The following NUS1 variants were observed in gnomAD, a reference collection of about 807,000 sequenced individuals.
NUS1 encodes dehydrodolichyl diphosphate synthase complex subunit NUS1.
For missense variants in NUS1, 292 were observed against 382.9 expected (o/e 0.76, Z 1.98); for synonymous variants, 135 against 155.2 (o/e 0.87, Z 0.97).
At chr6:117,677,030 AAC>A (rs1184991512) in intron 1 of NUS1, among the ~76,000 whole-genome samples, 6 of 152,244 alleles carry the variant, frequency 3.9e-5, no homozygotes, top group Non-Finnish European at 7.3e-5. Context: ...ATCAGTGCCC[AAC>A]ACAGTACTTG....
chr6:117,700,811 A>T (rs1773395218), intron 3 of NUS1, among the ~76,000 whole-genome samples: 1 of 152,172 alleles, frequency 6.6e-6, no homozygotes, highest in South Asian at 2.1e-4. Flanking sequence ...AGCAACACGG[A>T]TGAAACTGGA....
intron 1 of NUS1, among the ~76,000 whole-genome samples, chr6:117,688,672 C>T (rs972634288): frequency 1.2e-4 from 18 of 152,162 alleles, no homozygotes; most frequent in Admixed American, 1.0e-3. Flanking sequence ...TTAGATAAGC[C>T]GCCAAGGTTT....
chr6:117,679,879 T>C (rs1773035312), intron 1 of NUS1, among the ~76,000 whole-genome samples: 1 of 152,196 alleles, frequency 6.6e-6, no homozygotes, highest in Admixed American at 6.5e-5. Context: ...ACTTCACCTC[T>C]CAATGAGAAA....
In NUS1 at chr6:117,710,599, CAA is replaced by C. The variant is rs1204318258; in HGVS notation, c.*3585_*3586del. ...TTTTAAAAAATGTATTCTACTGTAA[CAA>C]GTTAATAAAGAGATTTTTTAAAAAA... On this transcript the variant is annotated 3_prime_UTR_variant, in exon 5 of 5. Coordinates refer to ENST00000368494, the MANE Select transcript of NUS1 (RefSeq NM_138459.5). 2 of 151,754 alleles carry C rather than the reference CAA, an allele frequency of 1.3e-5. No individual in the cohort carries two copies. Among genetic ancestry groups the C allele is most frequent in the Non-Finnish European group, 2.9e-5 (2 of 67,904 alleles). The allele number at this position is 151,754 out of a possible 1,614,324, so 9.4% of individuals were successfully genotyped here. A position where few individuals can be genotyped will look rare whatever the true frequency, so the allele number is the denominator to read the frequency against.
chr6:117,691,778 G>T (rs905626475), intron 1 of NUS1, among the ~76,000 whole-genome samples: 1 of 151,160 alleles, frequency 6.6e-6, no homozygotes, highest in Non-Finnish European at 1.5e-5. Context: ...GATGATCAAG[G>T]TAAGCATGAG....
chr6:117,686,345 C>CT (rs1484779031), intron 1 of NUS1, among the ~76,000 whole-genome samples: 1 of 151,824 alleles, frequency 6.6e-6, no homozygotes, highest in Non-Finnish European at 1.5e-5. Flanking sequence ...TAAAATTCAA[C>CT]TTTTTTGGAG....
chr6:117,681,102 A>G (rs1309946098), intron 1 of NUS1, among the ~76,000 whole-genome samples: 5 of 152,092 alleles, frequency 3.3e-5, no homozygotes, highest in African/African-American at 1.2e-4. Flanking sequence ...CCAAGAGGCT[A>G]TTGTTCATCT....
chr6:117,688,663 T>C (rs1773174721), intron 1 of NUS1, among the ~76,000 whole-genome samples: 1 of 152,160 alleles, frequency 6.6e-6, no homozygotes, highest in Non-Finnish European at 1.5e-5. Flanking sequence ...CTAGCTTTAT[T>C]AGATAAGCCG....
In NUS1 at chr6:117,708,651, T is replaced by G. The variant is rs549689962; in HGVS notation, c.*1636T>G. 1.3e-5 allele frequency: 2 copies of G among 152,538 alleles called. No individual in the cohort carries two copies. The highest frequency in any genetic ancestry group is 1.3e-4 in the Admixed American group (2 of 15,266). The allele number at this position is 152,538 out of a possible 1,614,324, so 9.4% of individuals were successfully genotyped here. On this transcript the variant is annotated 3_prime_UTR_variant, in exon 5 of 5. Transcript: ENST00000368494. The stretch of plus-strand genomic sequence containing the variant: ...ATTATACGTTGTACGACTTTTTTTT[T>G]TTGTTTTAATTTATTACTGAGAGTT...
chr6:117,703,737 G>A (rs754038037), intron 4 of NUS1, 33 bp downstream of exon 4: 1 of 1,443,870 alleles, frequency 6.9e-7, no homozygotes, highest in Non-Finnish European at 9.8e-7. Flanking sequence ...ACTTTGTTTA[G>A]ATTCAGCAAG....
In NUS1 at chr6:117,703,694, A is replaced by T; in HGVS notation, c.781A>T (p.Thr261Ser). ...LGFLPWHIRL[T>S]EIVSLPSHLN... is the part of the protein sequence containing the mutation. ...CTTTCTTCCCTGGCACATCAGATTG[A>T]CTGAGATTGTGTAAGTAATTAAAAG... Residue 261 changes from threonine (T) to serine (S), a missense_variant, in exon 4 of 5, where the codon ACT becomes TCT. Physicochemically the swap from Thr to Ser is moderately conservative, Grantham distance 58 (BLOSUM62 1). Transcript: ENST00000368494. 6.2e-7 allele frequency: 1 copy of T among 1,610,650 alleles called. No individual in the cohort carries two copies. The highest frequency in any genetic ancestry group is 8.5e-7 in the Non-Finnish European group (1 of 1,176,862).
chr6:117,693,277 T>C, intron 2 of NUS1, 110 bp downstream of exon 2: 1 of 1,116,362 alleles, frequency 9.0e-7, no homozygotes, highest in South Asian at 1.4e-5. Flanking sequence ...TCTGTTACTC[T>C]TTATTGTCAA....
In NUS1 at chr6:117,675,538, T is replaced by A. The variant is rs1198713571; in HGVS notation, c.-133T>A. ...CGGGGGCGAGGTGAGGTGTTGGCAGTGGAAAGGGGTTCGGGCTCGGGGGGC... is the reference window on the plus strand; with the variant it reads ...CGGGGGCGAGGTGAGGTGTTGGCAGAGGAAAGGGGTTCGGGCTCGGGGGGC... On this transcript the variant is annotated 5_prime_UTR_variant, in exon 1 of 5. Coordinates refer to ENST00000368494, the MANE Select transcript of NUS1 (RefSeq NM_138459.5). 1.2e-6 allele frequency: 1 copy of A among 831,270 alleles called. No individual in the cohort carries two copies. The highest frequency in any genetic ancestry group is 1.8e-6 in the Non-Finnish European group (1 of 563,216). The allele number at this position is 831,270 out of a possible 1,614,324, so 51.5% of individuals were successfully genotyped here.
chr6:117,686,658 T>A (rs1773144009), intron 1 of NUS1, among the ~76,000 whole-genome samples: 1 of 152,234 alleles, frequency 6.6e-6, no homozygotes, highest in South Asian at 2.1e-4. Context: ...CTTAGCTTCC[T>A]TTTACATAAA....
Position 117,676,105 on chromosome 6 carries a change from T to TG in NUS1, c.415+26dup. On this transcript the variant is annotated intron_variant, in intron 1 of 4. Coordinates refer to ENST00000368494, the MANE Select transcript of NUS1 (RefSeq NM_138459.5). ...ACCAAGGTGAGGCCCGGTGCGGTGG[T>TG]GGGGGGTGGCCGAGGCGTCTTGGAC... 1 of 1,550,078 alleles carries TG rather than the reference T, an allele frequency of 6.5e-7. No homozygotes were observed. The highest frequency in any genetic ancestry group is 1.2e-5 in the South Asian group (1 of 83,972).
rs193072499 is a variant in NUS1, at chr6:117,683,651, T to C, written c.415+7566T>C. ...TGTTTCAATGCTTATCTCATTTTTT[T>C]CTCTTGTTTGTTCTTGTAAGTACTT... On this transcript the variant is annotated intron_variant, in intron 1 of 4. Coordinates refer to ENST00000368494, the MANE Select transcript of NUS1 (RefSeq NM_138459.5). Among the ~76,000 whole-genome samples, 569 of 151,122 alleles carry C rather than the reference T, an allele frequency of 3.8e-3. 4 individuals carry two copies. The highest frequency in any genetic ancestry group is 0.013 in the African/African-American group (549 of 41,004).
chr6:117,681,395 G>C (rs988966850), intron 1 of NUS1, among the ~76,000 whole-genome samples: 1 of 152,076 alleles, frequency 6.6e-6, no homozygotes, highest in African/African-American at 2.4e-5. Flanking sequence ...TGTGTTCCTT[G>C]AATTCAAAGA....
intron 1 of NUS1, among the ~76,000 whole-genome samples, chr6:117,677,530 C>T (rs1483176477): frequency 1.3e-5 from 2 of 152,182 alleles, no homozygotes; most frequent in South Asian, 4.1e-4. Flanking sequence ...CAATAAATTA[C>T]CTGTGTGCTC....
chr6:117,699,675 A>G (rs1409623920), intron 3 of NUS1, among the ~76,000 whole-genome samples: 2 of 152,194 alleles, frequency 1.3e-5, no homozygotes, highest in Non-Finnish European at 2.9e-5. Flanking sequence ...TGGAATCACA[A>G]AAAGACCCAG....
Sources: allele counts gnomAD v4.1 joint callset (sites outside exome capture counted in the v4.1 genomes callset), GRCh38; gene constraint gnomAD v4.1.1; transcripts MANE v1.5; gene names NCBI Gene and HGNC (gene_info 2026-07-23, HGNC 2026-07-21).